PASD1: variants seen among roughly 807,000 people sequenced by gnomAD.
PASD1 encodes the protein PAS domain containing repressor 1.
PASD1 carries 13 observed loss-of-function variants against 58.8 expected under a neutral mutation model. That is an observed-to-expected ratio of 0.22 (90% CI 0.14 to 0.35). The LOEUF (loss-of-function observed/expected upper bound fraction) is 0.35, where lower values mean the gene tolerates loss of function less well. PASD1 is among the 10% of genes least tolerant of loss of function. PASD1 has a pLI of 1.00. For missense variants in PASD1, 734 were observed against 568.3 expected (o/e 1.29, Z -2.96); for synonymous variants, 236 against 216.7 (o/e 1.09, Z -0.78).
chrX:151,625,328 C>T (rs2013769611), intron 7 of PASD1, 120 bp from the exon 8 acceptor site: 1 of 452,336 alleles, frequency 2.2e-6, no homozygotes, highest in South Asian at 6.2e-5. Flanking sequence ...GCATTTCTCA[C>T]ATTGATATGC....
At chrX:151,613,966 A>G (rs1173708349) in intron 4 of PASD1, among the ~76,000 whole-genome samples, 1 of 110,371 alleles carries the variant, frequency 9.1e-6, no homozygotes, top group Non-Finnish European at 1.9e-5. Flanking sequence ...ATAACTTCAT[A>G]TAGTAGAAGA....
intron 6 of PASD1, 137 bp from the exon 7 acceptor site, chrX:151,622,800 G>A: frequency 1.6e-6 from 1 of 622,834 alleles, no homozygotes. Flanking sequence ...AAGGAAAGAA[G>A]ACAGGAAAAA....
At chrX:151,569,436 G>A (rs2012895261) in intron 1 of PASD1, among the ~76,000 whole-genome samples, 1 of 111,940 alleles carries the variant, frequency 8.9e-6, no homozygotes, top group Admixed American at 9.5e-5. Context: ...GTAACAGGCA[G>A]GAATTTGAGG....
chrX:151,669,790 T>G (rs2014440607), intron 11 of PASD1, among the ~76,000 whole-genome samples: 1 of 112,146 alleles, frequency 8.9e-6, no homozygotes, highest in Non-Finnish European at 1.9e-5. Flanking sequence ...TAGCCATTTG[T>G]CTGTTGATGA....
intron 6 of PASD1, among the ~76,000 whole-genome samples, chrX:151,622,585 T>TCA (rs1421440323): frequency 5.1e-5 from 2 of 39,533 alleles, no homozygotes; most frequent in Non-Finnish European, 1.1e-4. Flanking sequence ...TGTGCACAGA[T>TCA]TACACACACA....
In PASD1 at chrX:151,672,175, C is replaced by A. The variant is rs188063315; in HGVS notation, c.1438-8C>A. The A allele has an allele frequency of 3.5e-6, 4 of 1,142,246 alleles. No individual in the cohort carries two copies. The highest frequency in any genetic ancestry group is 2.1e-5 in the South Asian group (1 of 48,758). The allele number at this position is 1,142,246 out of a possible 1,213,427, so 94.1% of individuals were successfully genotyped here. A position where few individuals can be genotyped will look rare whatever the true frequency, so the allele number is the denominator to read the frequency against. On this transcript the variant is annotated splice_region_variant and splice_polypyrimidine_tract_variant and intron_variant, in intron 13 of 15. Transcript: ENST00000370357. ...CAGGGTGCTTTTATCTGTTGCCTTTCGATGCAGCAGCAACTGGTGCAGCAA... is the reference window on the plus strand; with the variant it reads ...CAGGGTGCTTTTATCTGTTGCCTTTAGATGCAGCAGCAACTGGTGCAGCAA...
chrX:151,653,831 C>T (rs2014184573), intron 9 of PASD1, among the ~76,000 whole-genome samples: 1 of 26,854 alleles, frequency 3.7e-5, no homozygotes, highest in Non-Finnish European at 9.5e-5. Flanking sequence ...TCCTTCCTTC[C>T]TTCCTTCCTT....
Position 151,667,215 on chromosome X carries a change from C to T in PASD1, c.1071+2867C>T, listed in dbSNP as rs188624984. On this transcript the variant is annotated intron_variant, in intron 11 of 15. Transcript: ENST00000370357. ...GAAGTGTCTGTTCATATCCTTCGCC[C>T]ACTTGTTGATGGGGTTGTTTGTTTC... Among the ~76,000 whole-genome samples, 862 of 112,023 alleles carry T rather than the reference C, an allele frequency of 7.7e-3. 8 individuals are homozygous for T. The highest frequency in any genetic ancestry group is 0.026 in the African/African-American group (806 of 30,719).
chrX:151,578,563 A>G (rs2013043745), intron 1 of PASD1, among the ~76,000 whole-genome samples: 1 of 112,603 alleles, frequency 8.9e-6, no homozygotes, highest in Non-Finnish European at 1.9e-5. Flanking sequence ...CTCCTGAGGT[A>G]TCTCCAGTAG....
chrX:151,667,078 T>C (rs1024329508), intron 11 of PASD1, among the ~76,000 whole-genome samples: 7 of 111,704 alleles, frequency 6.3e-5, no homozygotes, highest in Non-Finnish European at 3.8e-5. Context: ...ATTTTTATTC[T>C]AACTGGTGTG....
chrX:151,673,817 T>C, intron 14 of PASD1, 111 bp from the exon 15 acceptor site: 1 of 926,239 alleles, frequency 1.1e-6, no homozygotes, highest in Non-Finnish European at 1.5e-6. Flanking sequence ...AATCCTGTGG[T>C]GTAGCCACCA....
At chrX:151,580,510 T>A (rs2013071957) in intron 1 of PASD1, among the ~76,000 whole-genome samples, 1 of 90,575 alleles carries the variant, frequency 1.1e-5, no homozygotes, top group South Asian at 4.4e-4. Flanking sequence ...CTTTTTTTCT[T>A]TTTTTTTTTT....
At chrX:151,639,129 A>T (rs1286741719) in intron 8 of PASD1, among the ~76,000 whole-genome samples, 2 of 111,847 alleles carry the variant, frequency 1.8e-5, no homozygotes, top group Non-Finnish European at 3.8e-5. Context: ...TTTTCTGTGA[A>T]TTCTCAACAC....
intron 2 of PASD1, among the ~76,000 whole-genome samples, chrX:151,602,032 A>G (rs1329739095): frequency 8.9e-6 from 1 of 112,388 alleles, no homozygotes; most frequent in African/African-American, 3.2e-5. Context: ...TTGCAGTATG[A>G]TCTGTGGTAT....
At chrX:151,645,599 G>A (rs1039000036) in intron 8 of PASD1, 13 of 111,948 alleles carry the variant, frequency 1.2e-4, no homozygotes, top group African/African-American at 4.2e-4. Flanking sequence ...TGAGACAGAG[G>A]TACTTTTCTT....
chrX:151,656,270 G>C (rs1327002573), intron 9 of PASD1, among the ~76,000 whole-genome samples: 1 of 111,899 alleles, frequency 8.9e-6, no homozygotes, highest in Non-Finnish European at 1.9e-5. Context: ...TTGTGGTATA[G>C]TTTGAAGTCA....
intron 15 of PASD1, among the ~76,000 whole-genome samples, chrX:151,675,758 T>G (rs2014535822): frequency 8.9e-6 from 1 of 111,965 alleles, no homozygotes; most frequent in Non-Finnish European, 1.9e-5. Flanking sequence ...TAAGACAACT[T>G]TGAGAAAGCC....
At chrX:151,632,037 C>T (rs1048750362) in intron 8 of PASD1, among the ~76,000 whole-genome samples, 12 of 110,728 alleles carry the variant, frequency 1.1e-4, no homozygotes, top group Admixed American at 1.9e-4. Context: ...TCCTTATCTT[C>T]GTGGTCATTA....
Position 151,611,745 on chromosome X carries a change from C to T in PASD1, c.199C>T (p.His67Tyr). ...VAENISSLLGHLPAEIVGKKL... is the reference protein window; with the variant it reads ...VAENISSLLGYLPAEIVGKKL... ...TGAAAACATCTCTTCTCTTCTTGGA[C>T]ATTTACCAGTAAGTTCTTTCTACTT... Residue 67 changes from histidine to tyrosine, a missense_variant, in exon 4 of 16, where the codon CAT becomes TAT. Transcript: ENST00000370357. 8.3e-7 allele frequency: 1 copy of T among 1,197,881 alleles called. No homozygotes were observed. Among genetic ancestry groups the T allele is most frequent in the Non-Finnish European group, 1.1e-6 (1 of 885,184 alleles).
Sources: gnomAD v4.1 joint callset for allele counts (sites outside exome capture counted in the v4.1 genomes callset) on GRCh38, gnomAD v4.1.1 for gene constraint, MANE v1.5 for transcripts, NCBI Gene and HGNC (gene_info 2026-07-23, HGNC 2026-07-21) for gene names.